The following NEB variants were observed in gnomAD, a reference collection of about 807,000 sequenced individuals.
NEB encodes nebulin, also known as nemaline myopathy type 2.
NEB carries 512 observed loss-of-function variants against 952.2 expected under a neutral mutation model. The observed-to-expected ratio is 0.54, with a 90% CI of 0.50 to 0.58. NEB has a LOEUF of 0.58. Among genes scored for constraint, NEB ranks in the 20% least tolerant of loss-of-function variants. NEB has a pLI of 0.00. For missense variants in NEB, 8,428 were observed against 9,231.1 expected (o/e 0.91, Z 3.56); for synonymous variants, 2,900 against 3,149.8 (o/e 0.92, Z 2.66).
In NEB at chr2:151,640,350, C is replaced by A. The variant is rs2098831847; in HGVS notation, c.8685+5G>T. ...CTGCACGTTATTATGACTCTCAGTA[C>A]TCACATCGCTCTGGAGGTCATAGGC... On this transcript the variant is annotated splice_donor_5th_base_variant and intron_variant, in intron 61 of 181. Coordinates refer to ENST00000397345, the MANE Select transcript of NEB (RefSeq NM_001164508.2). 1 of 1,612,522 alleles carries A rather than the reference C, an allele frequency of 6.2e-7. No homozygotes were observed. The highest frequency in any genetic ancestry group is 8.5e-7 in the Non-Finnish European group (1 of 1,178,782).
chr2:151,726,950 T>A (rs1309894485), intron 5 of NEB, among the ~76,000 whole-genome samples: 3 of 151,604 alleles, frequency 2.0e-5, no homozygotes, highest in Non-Finnish European at 4.4e-5. Flanking sequence ...CTAGGGAGAC[T>A]GAGGTAGGAG....
chr2:151,666,521 T>A (rs1378869384), intron 40 of NEB, 120 bp from the exon 41 acceptor site: 1 of 914,928 alleles, frequency 1.1e-6, no homozygotes, highest in Non-Finnish European at 1.6e-6. Flanking sequence ...CATCGAAGTT[T>A]TTTTTTGTAT....
At chr2:151,529,073 C>G in intron 146 of NEB, 137 bp downstream of exon 146, 1 of 682,160 alleles carries the variant, frequency 1.5e-6, no homozygotes, top group Non-Finnish European at 2.6e-6. Context: ...CATCATTGTT[C>G]ATGCTCCTGG....
intron 169 of NEB, among the ~76,000 whole-genome samples, chr2:151,498,933 A>AGAT (rs1317003485): frequency 6.6e-6 from 1 of 152,116 alleles, no homozygotes; most frequent in Non-Finnish European, 1.5e-5. Flanking sequence ...ATAACAGTAG[A>AGAT]GATAGAAAAG....
chr2:151,658,348 A>T (rs1319983147), intron 47 of NEB, among the ~76,000 whole-genome samples: 3 of 152,208 alleles, frequency 2.0e-5, no homozygotes, highest in Non-Finnish European at 4.4e-5. Context: ...AATATACTTT[A>T]AAAAATGTGA....
chr2:151,629,789 A>C, intron 67 of NEB, 143 bp from the exon 68 acceptor site: 1 of 636,238 alleles, frequency 1.6e-6, no homozygotes, highest in South Asian at 1.9e-5. Flanking sequence ...AAAGCAAATA[A>C]ATTATATTCT....
chr2:151,679,929 T>G lies in NEB; in HGVS notation c.3136A>C (p.Asn1046His), dbSNP rs200564629. Residue 1046 changes from asparagine (N) to histidine (H), a missense_variant, in exon 31 of 182, where the codon AAT (asparagine) becomes CAT (histidine). Around this residue, in one of 11 missense-constraint regions of NEB, gnomAD observed 2,851 missense variants for 2,791.5 expected, o/e 1.02. Transcript: ENST00000397345. ...QFIQAKVNAY[N>H]ISENMYKADL... The stretch of plus-strand genomic sequence containing the variant: ...GTCCACCCACGCACCTCACTGATAT[T>G]GTAGGCATTAACTTTAGCCTGGATG... The G allele has an allele frequency of 6.2e-7, 1 of 1,612,948 alleles. No homozygotes were observed. The highest frequency in any genetic ancestry group is 8.5e-7 in the Non-Finnish European group (1 of 1,178,900).
chr2:151,628,178 C>T (rs2098562103), intron 68 of NEB, among the ~76,000 whole-genome samples: 2 of 152,148 alleles, frequency 1.3e-5, no homozygotes, highest in Non-Finnish European at 2.9e-5. Context: ...GTACTGTGTA[C>T]TGCCATTTCT....
At chr2:151,579,036 G>A (rs2097019931) in intron 105 of NEB, among the ~76,000 whole-genome samples, 1 of 125,392 alleles carries the variant, frequency 8.0e-6, no homozygotes, top group African/African-American at 3.1e-5. Context: ...GGCTGAGATT[G>A]CACCACTGCA....
In NEB at chr2:151,526,019, G is replaced by A. The variant is rs1357043411; in HGVS notation, c.22100C>T (p.Thr7367Ile). 2 of 1,613,876 alleles carry A rather than the reference G, an allele frequency of 1.2e-6. No individual in the cohort carries two copies. Among genetic ancestry groups the A allele is most frequent in the African/African-American group, 1.3e-5 (1 of 74,910 alleles). Reference protein sequence around the residue: ...VKKHLAQGSYTTLPETRDTVH... With the variant: ...VKKHLAQGSYITLPETRDTVH... ...AGTGTCCCGGGTCTCTGGTAGTGTT[G>A]TGTATGAGCCCTGTGCCAAGTGCTT... Residue 7367 changes from threonine to isoleucine, a missense_variant, in exon 150 of 182, where the codon ACA becomes ATA. By Grantham distance (89) the Thr-to-Ile change is moderately conservative (BLOSUM62 -1). This residue lies in a region of NEB where 3,374 missense variants were observed against 3,651.5 expected (regional missense o/e 0.92). Transcript: ENST00000397345.
intron 16 of NEB, 140 bp from the exon 17 acceptor site, chr2:151,696,875 C>G: frequency 1.5e-6 from 1 of 671,728 alleles, no homozygotes; most frequent in Non-Finnish European, 2.5e-6. Flanking sequence ...TCTAACTAGA[C>G]TGTAGTTTGA....
chr2:151,732,997 A>T, intron 3 of NEB, 124 bp downstream of exon 3: 1 of 797,060 alleles, frequency 1.3e-6, no homozygotes, highest in Non-Finnish European at 2.0e-6. Context: ...CTTATGCTTT[A>T]AATGATGACT....
Position 151,636,347 on chromosome 2 carries a change from G to GA in NEB, c.8995-14dup, listed in dbSNP as rs770495295. ...GTTTGTACAGACTCTAAATTTGGGG[G>GA]AAAAAAAATCAGATGCTGACATTTA... is the stretch of plus-strand genomic sequence containing the variant. On this transcript the variant is annotated splice_polypyrimidine_tract_variant and intron_variant, in intron 63 of 181. Coordinates refer to ENST00000397345, the MANE Select transcript of NEB (RefSeq NM_001164508.2). 1.8e-5 allele frequency: 28 copies of GA among 1,579,210 alleles called. No individual in the cohort carries two copies. Among genetic ancestry groups the GA allele is most frequent in the Non-Finnish European group, 1.9e-5 (22 of 1,164,886 alleles).
chr2:151,669,193 C>T (rs1380553933), intron 38 of NEB, 62 bp from the exon 39 acceptor site: 9 of 1,161,648 alleles, frequency 7.7e-6, no homozygotes, highest in Non-Finnish European at 1.1e-5. Flanking sequence ...TTTCATCAAG[C>T]AGAGACTCCT....
At chr2:151,503,497 TAGC>T in intron 165 of NEB, 56 bp from the exon 166 acceptor site, 1 of 1,207,328 alleles carries the variant, frequency 8.3e-7, no homozygotes. Flanking sequence ...ATCCTTTAGA[TAGC>T]AGCCACATGT....
Position 151,636,232 on chromosome 2 carries a change from T to C in NEB, c.9097A>G (p.Ser3033Gly), listed in dbSNP as rs1307589983. The C allele has an allele frequency of 6.2e-7, 1 of 1,607,830 alleles. No homozygotes were observed. The highest frequency in any genetic ancestry group is 8.5e-7 in the Non-Finnish European group (1 of 1,178,710). Residue 3033 changes from serine to glycine, a missense_variant, in exon 64 of 182, where the codon AGT becomes GGT. Ser to Gly is a moderately conservative substitution (Grantham distance 56). Transcript: ENST00000397345. ...GAATGGAATTGACAACTCACGTCAC[T>C]GATGATGTCCCTGGAGGCCTTGGCC... ...VAAKASRDII[S>G]DYKYKDGYCK...
chr2:151,659,066 T>C lies in NEB; in HGVS notation c.6074A>G (p.Asp2025Gly), dbSNP rs1412164266. 1.3e-6 allele frequency: 2 copies of C among 1,577,148 alleles called. No homozygotes were observed. Among genetic ancestry groups the C allele is most frequent in the Admixed American group, 1.7e-5 (1 of 59,918 alleles). ...GACAACAGGGGGAACTATACTTACA[T>C]CACTCATATTAATTGCATTTGCCTT... ...LAKANAINMS[D>G]KLYKLSLEES... Residue 2025 changes from aspartate (D) to glycine (G), a missense_variant and splice_region_variant, in exon 47 of 182, where the codon GAT (aspartate) becomes GGT (glycine). Physicochemically the swap from Asp to Gly is moderately conservative, Grantham distance 94. Transcript: ENST00000397345.
chr2:151,732,978 T>C (rs1338112214), intron 3 of NEB, 143 bp downstream of exon 3: 1 of 650,390 alleles, frequency 1.5e-6, no homozygotes, highest in East Asian at 2.9e-5. Flanking sequence ...GAACATAAAA[T>C]ATTCCTTTCT....
In NEB at chr2:151,660,462, T is replaced by C. The variant is rs2099134649; in HGVS notation, c.5971-1293A>G. ...TTAACGAACATTAACAAATGGCCCA[T>C]TAAAAGTTTGCTTTAACAGAAACTC... On this transcript the variant is annotated intron_variant, in intron 46 of 181. Transcript: ENST00000397345. Among the ~76,000 whole-genome samples, 2 of 152,220 alleles carry C rather than the reference T, an allele frequency of 1.3e-5. 1 individual carries two copies. Among genetic ancestry groups the C allele is most frequent in the South Asian group, 4.1e-4 (2 of 4,828 alleles).
Sources: allele counts gnomAD v4.1 joint callset (sites outside exome capture counted in the v4.1 genomes callset), GRCh38; gene constraint gnomAD v4.1.1; regional missense constraint gnomAD v4.1.1; transcripts MANE v1.5; gene names NCBI Gene and HGNC (gene_info 2026-07-23, HGNC 2026-07-21).